TBC1D5: variants seen among roughly 807,000 people sequenced by gnomAD.
TBC1D5 encodes TBC1 domain family member 5.
TBC1D5 carries 75 observed loss-of-function variants against 100.3 expected under a neutral mutation model. The ratio of observed to expected loss-of-function variants is 0.75; its 90% CI spans 0.62 to 0.91. The LOEUF is 0.91. Ranked by LOEUF, TBC1D5 falls within the 40% of genes least tolerant of loss-of-function variation. The pLI is 0.00. For missense variants in TBC1D5, 910 were observed against 942.4 expected (o/e 0.97, Z 0.45); for synonymous variants, 323 against 325.6 (o/e 0.99, Z 0.09).
chr3:17,627,693 G>C (rs1477174160), intron 1 of TBC1D5, among the ~76,000 whole-genome samples: 1 of 151,024 alleles, frequency 6.6e-6, no homozygotes, highest in Non-Finnish European at 1.5e-5. Flanking sequence ...AGAGAGAGGG[G>C]CTATGTTAGG....
intron 2 of TBC1D5, among the ~76,000 whole-genome samples, chr3:17,515,197 C>T (rs1217646975): frequency 6.6e-6 from 1 of 151,962 alleles, no homozygotes; most frequent in African/African-American, 2.4e-5. Flanking sequence ...CCAAAAAAAC[C>T]AATGAACAAA....
chr3:17,344,724 G>C (rs1372199765), intron 13 of TBC1D5, among the ~76,000 whole-genome samples: 3 of 152,044 alleles, frequency 2.0e-5, no homozygotes, highest in Non-Finnish European at 4.4e-5. Context: ...CAGAGATATA[G>C]ATCAATGGAA....
At chr3:17,317,536 G>A (rs1427649606) in intron 13 of TBC1D5, among the ~76,000 whole-genome samples, 6 of 152,116 alleles carry the variant, frequency 3.9e-5, no homozygotes, top group Admixed American at 3.9e-4. Flanking sequence ...GAGGGGATTG[G>A]CTCCTCCATT....
At chr3:17,269,671 T>C (rs1039705901) in intron 15 of TBC1D5, among the ~76,000 whole-genome samples, 5 of 141,746 alleles carry the variant, frequency 3.5e-5, no homozygotes, top group African/African-American at 1.3e-4. Context: ...CTGGAGTCTC[T>C]AGTGTCTCCT....
At chr3:17,679,238 C>G (rs1027475098) in intron 1 of TBC1D5, among the ~76,000 whole-genome samples, 1 of 151,160 alleles carries the variant, frequency 6.6e-6, no homozygotes, top group East Asian at 1.9e-4. Context: ...TTGTATAATG[C>G]AACAGAGACC....
At chr3:17,614,419 T>G (rs1298393481) in intron 2 of TBC1D5, among the ~76,000 whole-genome samples, 1 of 152,234 alleles carries the variant, frequency 6.6e-6, no homozygotes, top group East Asian at 1.9e-4. Context: ...GCGAATTCTG[T>G]GAAGAAAGTC....
intron 15 of TBC1D5, among the ~76,000 whole-genome samples, chr3:17,272,141 G>A (rs1296858788): frequency 6.6e-6 from 1 of 152,154 alleles, no homozygotes; most frequent in Non-Finnish European, 1.5e-5. Flanking sequence ...TATTGCTGTT[G>A]CGATTCTTAG....
At chr3:17,330,458 T>G (rs2086728212) in intron 13 of TBC1D5, among the ~76,000 whole-genome samples, 1 of 152,128 alleles carries the variant, frequency 6.6e-6, no homozygotes, top group African/African-American at 2.4e-5. Context: ...ACTCTGCTTC[T>G]TTAGTGCCTA....
At chr3:17,342,809 C>A (rs2151441976) in intron 13 of TBC1D5, among the ~76,000 whole-genome samples, 1 of 152,196 alleles carries the variant, frequency 6.6e-6, no homozygotes, top group Non-Finnish European at 1.5e-5. Context: ...ATATTATAAT[C>A]TTTTTTCTAT....
intron 14 of TBC1D5, among the ~76,000 whole-genome samples, chr3:17,301,945 A>G (rs536780252): frequency 6.6e-6 from 1 of 152,346 alleles, no homozygotes; most frequent in African/African-American, 2.4e-5. Flanking sequence ...TTATTGCTCA[A>G]TGTTTCTTTC....
rs77145119 is a variant in TBC1D5, at chr3:17,611,765, A to C, written c.-36+12084T>G. Among the ~76,000 whole-genome samples, 1,317 of 152,314 alleles carry C rather than the reference A, an allele frequency of 8.6e-3. 13 individuals are homozygous for C. The highest frequency in any genetic ancestry group is 0.017 in the Middle Eastern group (5 of 294). Reference sequence around the variant, plus strand: ...GCAAAGTAGAGATAAGTCCTTCAAAAAAGTTGCCTGTAAAAAGAAAGTGAA... The same window carrying C: ...GCAAAGTAGAGATAAGTCCTTCAAACAAGTTGCCTGTAAAAAGAAAGTGAA... On this transcript the variant is annotated intron_variant, in intron 2 of 21. Coordinates refer to ENST00000253692, the Ensembl canonical transcript of TBC1D5.
intron 16 of TBC1D5, 102 bp from the exon 17 acceptor site, chr3:17,238,521 G>A (rs2076057667): frequency 7.5e-7 from 1 of 1,331,566 alleles, no homozygotes; most frequent in Non-Finnish European, 1.0e-6. Flanking sequence ...TTTGAAAAAG[G>A]TCATTTACTA....
chr3:17,205,218 G>T (rs988682626), intron 18 of TBC1D5, among the ~76,000 whole-genome samples: 2 of 152,130 alleles, frequency 1.3e-5, no homozygotes, highest in African/African-American at 4.8e-5. Context: ...TAAACAAGAA[G>T]AGATTACATA....
At chr3:17,485,376 C>T (rs1418524072) in intron 3 of TBC1D5, among the ~76,000 whole-genome samples, 1 of 151,282 alleles carries the variant, frequency 6.6e-6, no homozygotes, top group Middle Eastern at 3.4e-3. Context: ...GGTACATGTG[C>T]ACAATGTGCA....
At chr3:17,390,447 A>C (rs1366446372) in intron 8 of TBC1D5, among the ~76,000 whole-genome samples, 1 of 152,142 alleles carries the variant, frequency 6.6e-6, no homozygotes, top group Non-Finnish European at 1.5e-5. Flanking sequence ...TATAGTACAT[A>C]ATTAGGTAAT....
chr3:17,383,414 T>G (rs996902813), intron 9 of TBC1D5, among the ~76,000 whole-genome samples: 1 of 151,958 alleles, frequency 6.6e-6, no homozygotes, highest in East Asian at 1.9e-4. Context: ...TAATCTTCTT[T>G]GCTTTAGTAA....
intron 1 of TBC1D5, among the ~76,000 whole-genome samples, chr3:17,667,175 C>T (rs181792818): frequency 3.6e-4 from 55 of 152,260 alleles, no homozygotes; most frequent in African/African-American, 1.3e-3. Flanking sequence ...GTTTTAAAAA[C>T]AAGCCTACTA....
rs556054426 is a variant in TBC1D5, at chr3:17,390,666, C to A, written c.510-6651G>T. ...CGGAAAATCAAAACAAGCACTCATC[C>A]AAAATTTTTAAATGAGCTGATGAAA... On this transcript the variant is annotated intron_variant, in intron 8 of 21. Transcript: ENST00000253692. 3.9e-5 allele frequency among the ~76,000 whole-genome samples: 6 copies of A among 152,150 alleles called. No homozygotes were observed. In the South Asian group the frequency reaches 1.2e-3, roughly 32 times the overall value.
At chr3:17,645,349 T>C (rs11914537) in intron 1 of TBC1D5, among the ~76,000 whole-genome samples, 10,866 of 152,102 alleles carry the variant, frequency 0.071, 792 homozygotes, top group African/African-American at 0.19. Flanking sequence ...TAATTATAGC[T>C]GGGAACACGG....
Sources: gnomAD v4.1 joint callset for allele counts (sites outside exome capture counted in the v4.1 genomes callset) on GRCh38, gnomAD v4.1.1 for gene constraint, MANE v1.5 for transcripts, NCBI Gene and HGNC (gene_info 2026-07-23, HGNC 2026-07-21) for gene names.